Variants in PPM1E observed in about 807,000 individuals in gnomAD.
The protein encoded by PPM1E is protein phosphatase 1E.
A neutral mutation model predicts 65.9 loss-of-function variants in PPM1E; 20 were observed. The observed-to-expected ratio is 0.30, with a 90% CI of 0.21 to 0.44. The LOEUF (loss-of-function observed/expected upper bound fraction) is 0.44, where lower values mean the gene tolerates loss of function less well. Among genes scored for constraint, PPM1E ranks in the 20% least tolerant of loss-of-function variants. The pLI, the probability that PPM1E is intolerant of heterozygous loss-of-function variation, is 1.00. For missense variants in PPM1E, 713 were observed against 953.1 expected (o/e 0.75, Z 3.32); for synonymous variants, 352 against 374.9 (o/e 0.94, Z 0.70).
chr17:58,865,385 C>CAAAACA (rs758650681), intron 1 of PPM1E, among the ~76,000 whole-genome samples: 13 of 147,018 alleles, frequency 8.8e-5, no homozygotes, highest in Non-Finnish European at 1.2e-4. Flanking sequence ...ACTCTGTCTC[C>CAAAACA]AAAACAAAAA....
At chr17:58,794,792 T>C (rs1307645166) in intron 1 of PPM1E, among the ~76,000 whole-genome samples, 2 of 152,160 alleles carry the variant, frequency 1.3e-5, no homozygotes, top group African/African-American at 2.4e-5. Flanking sequence ...ATACACCACA[T>C]TTTCTTTATC....
At chr17:58,783,144 A>AGG (rs2050066074) in intron 1 of PPM1E, among the ~76,000 whole-genome samples, 1 of 152,240 alleles carries the variant, frequency 6.6e-6, no homozygotes, top group Admixed American at 6.5e-5. Context: ...AGAGGATTGG[A>AGG]GGTAAGCAAT....
chr17:58,811,567 A>G (rs2050368445), intron 1 of PPM1E, among the ~76,000 whole-genome samples: 1 of 152,196 alleles, frequency 6.6e-6, no homozygotes, highest in Admixed American at 6.5e-5. Flanking sequence ...GTTAACTGTT[A>G]TGTTAAACTG....
intron 1 of PPM1E, among the ~76,000 whole-genome samples, chr17:58,874,241 G>C (rs948779922): frequency 1.1e-4 from 16 of 152,080 alleles, no homozygotes; most frequent in African/African-American, 3.9e-4. Context: ...TAGAGAAGCT[G>C]GTAGTCATTG....
At chr17:58,825,310 C>T (rs1464392311) in intron 1 of PPM1E, among the ~76,000 whole-genome samples, 1 of 151,444 alleles carries the variant, frequency 6.6e-6, no homozygotes, top group Non-Finnish European at 1.5e-5. Context: ...TGGCTCATGC[C>T]TGTAATCCCA....
intron 1 of PPM1E, among the ~76,000 whole-genome samples, chr17:58,951,905 G>C (rs923686935): frequency 6.6e-6 from 1 of 152,122 alleles, no homozygotes; most frequent in Admixed American, 6.6e-5. Flanking sequence ...ATTTGGAGGA[G>C]TCATGTTTCC....
intron 1 of PPM1E, among the ~76,000 whole-genome samples, chr17:58,878,032 TAAG>T (rs945453870): frequency 2.0e-5 from 3 of 150,920 alleles, no homozygotes; most frequent in African/African-American, 7.3e-5. Context: ...AAAATAAAAA[TAAG>T]AAAATAAAAG....
intron 1 of PPM1E, among the ~76,000 whole-genome samples, chr17:58,789,581 G>T (rs1453930579): frequency 6.6e-6 from 1 of 152,116 alleles, no homozygotes; most frequent in East Asian, 1.9e-4. Context: ...AACATAGGAT[G>T]TAGTATCAGA....
intron 1 of PPM1E, among the ~76,000 whole-genome samples, chr17:58,919,815 A>C (rs907659999): frequency 6.6e-6 from 1 of 152,080 alleles, no homozygotes; most frequent in Non-Finnish European, 1.5e-5. Flanking sequence ...AAAAAGATAG[A>C]GAGTTCTTTC....
chr17:58,952,776 C>G (rs777709015), intron 1 of PPM1E, among the ~76,000 whole-genome samples: 1 of 152,096 alleles, frequency 6.6e-6, no homozygotes, highest in Non-Finnish European at 1.5e-5. Flanking sequence ...TGGATTCAAG[C>G]GATTCTTCTG....
chr17:58,972,761 G>A (rs2030723865), intron 5 of PPM1E, 71 bp from the exon 6 acceptor site: 1 of 1,337,204 alleles, frequency 7.5e-7, no homozygotes, highest in South Asian at 1.2e-5. Context: ...TATATCTGTT[G>A]TTTACTGTTA....
intron 1 of PPM1E, among the ~76,000 whole-genome samples, chr17:58,879,416 T>C (rs2051164630): frequency 6.6e-6 from 1 of 150,968 alleles, no homozygotes; most frequent in Admixed American, 6.6e-5. Context: ...GCTTGGCCAA[T>C]TGTTTACTCT....
chr17:58,773,376 G>C (rs556534643), intron 1 of PPM1E, among the ~76,000 whole-genome samples: 9 of 152,232 alleles, frequency 5.9e-5, no homozygotes, highest in African/African-American at 2.2e-4. Context: ...TTATCATTCA[G>C]TGAGATAATT....
intron 2 of PPM1E, among the ~76,000 whole-genome samples, chr17:58,959,309 CA>C (rs71145509): frequency 0.38 from 21,756 of 57,172 alleles, 1,248 homozygotes; most frequent in Middle Eastern, 0.41. Flanking sequence ...GACTCCGTCT[CA>C]AAAAAAAAAA....
intron 1 of PPM1E, among the ~76,000 whole-genome samples, chr17:58,887,852 G>A (rs1345947677): frequency 3.3e-5 from 5 of 152,178 alleles, no homozygotes; most frequent in African/African-American, 1.2e-4. Context: ...TAGAAAAGGG[G>A]AAAGAATTAG....
chr17:58,792,301 A>G (rs1201243267), intron 1 of PPM1E, among the ~76,000 whole-genome samples: 3 of 149,028 alleles, frequency 2.0e-5, no homozygotes, highest in African/African-American at 7.3e-5. Flanking sequence ...GTAATATTAT[A>G]TAGTATAATA....
At chr17:58,829,773 CAAAT>C (rs994227907) in intron 1 of PPM1E, among the ~76,000 whole-genome samples, 23 of 152,064 alleles carry the variant, frequency 1.5e-4, no homozygotes, top group African/African-American at 3.9e-4. Flanking sequence ...CTTAAAAAAA[CAAAT>C]AAAAGATTCA....
intron 1 of PPM1E, among the ~76,000 whole-genome samples, chr17:58,767,110 A>G (rs1289571815): frequency 6.6e-6 from 1 of 152,100 alleles, no homozygotes; most frequent in Non-Finnish European, 1.5e-5. Flanking sequence ...GAGGGTCAGC[A>G]TTGTCTACAC....
At chr17:58,804,628 G>C (rs1347359492) in intron 1 of PPM1E, among the ~76,000 whole-genome samples, 1 of 152,046 alleles carries the variant, frequency 6.6e-6, no homozygotes, top group Admixed American at 6.6e-5. Context: ...ACTTTTTATA[G>C]TTTCTGAATC....
Sources: allele counts gnomAD v4.1 joint callset (sites outside exome capture counted in the v4.1 genomes callset), GRCh38; gene constraint gnomAD v4.1.1; transcripts MANE v1.5; gene names NCBI Gene and HGNC (gene_info 2026-07-23, HGNC 2026-07-21).